Variants in ETF1 observed in about 807,000 individuals in gnomAD.
The protein encoded by ETF1 is eukaryotic translation termination factor 1, also known as eukaryotic peptide chain release factor subunit 1.
In ETF1, 4 loss-of-function variants were observed where a neutral mutation model predicts 55.1. The observed-to-expected ratio is 0.07, with a 90% confidence interval of 0.04 to 0.17. ETF1 has a LOEUF of 0.17. Among genes scored for constraint, ETF1 ranks in the 10% least tolerant of loss-of-function variants. ETF1 has a pLI of 1.00. For missense variants in ETF1, 142 were observed against 523.6 expected, an observed-to-expected ratio of 0.27 and a Z score of 7.11; for synonymous variants, 157 against 182.3, an observed-to-expected ratio of 0.86 and a Z score of 1.12.
At chr5:138,510,058 C>CA (rs1342197291) in intron 9 of ETF1, among the ~76,000 whole-genome samples, 1 of 142,356 alleles carries the variant, frequency 7.0e-6, no homozygotes, top group African/African-American at 2.6e-5. Flanking sequence ...GACCCTATCT[C>CA]AAAGAAAAAA....
intron 9 of ETF1, among the ~76,000 whole-genome samples, chr5:138,509,417 T>C (rs73259889): frequency 0.011 from 1,750 of 152,288 alleles, 32 homozygotes; most frequent in African/African-American, 0.04. Flanking sequence ...GATAATGAAA[T>C]GTTTTCCTGA....
chr5:138,522,269 AAT>A (rs1174273754), intron 2 of ETF1, among the ~76,000 whole-genome samples: 1 of 152,234 alleles, frequency 6.6e-6, no homozygotes, highest in Non-Finnish European at 1.5e-5. Context: ...TTATGTAAAG[AAT>A]ATAAAGAATA....
chr5:138,523,411 G>A (rs1238757217), intron 2 of ETF1, among the ~76,000 whole-genome samples: 3 of 152,144 alleles, frequency 2.0e-5, no homozygotes, highest in African/African-American at 4.8e-5. Flanking sequence ...GCATGTGCCT[G>A]TAGTCCCAGC....
chr5:138,518,265 C>T lies in ETF1; in HGVS notation c.262+427G>A, dbSNP rs115680076. Among the ~76,000 whole-genome samples the T allele has an allele frequency of 6.2e-3, 938 of 151,074 alleles. 9 individuals carry two copies. The highest frequency in any genetic ancestry group is 0.022 in the African/African-American group (904 of 41,106). The stretch of plus-strand genomic sequence containing the variant: ...TCACTCTGTCACTCAGGCTAGTGTG[C>T]AGCAGCGAGATCGTGGCTCACTGCA... On this transcript the variant is annotated intron_variant, in intron 3 of 10. Coordinates refer to ENST00000360541, the MANE Select transcript of ETF1 (RefSeq NM_004730.4).
At chr5:138,516,427 A>G (rs2127078788) in intron 4 of ETF1, among the ~76,000 whole-genome samples, 1 of 152,316 alleles carries the variant, frequency 6.6e-6, no homozygotes, top group East Asian at 1.9e-4. Flanking sequence ...ACTTGAGGCC[A>G]GGAGTTTGGG....
chr5:138,542,620 C>A, intron 2 of ETF1: 1 of 1,420,366 alleles, frequency 7.0e-7, no homozygotes, highest in East Asian at 2.6e-5. Context: ...AACCGGGGAG[C>A]GCGGGCCCCT....
In ETF1 at chr5:138,506,765, G is replaced by A. The variant is rs2127055474; in HGVS notation, c.*1540C>T. 6.5e-6 allele frequency: 1 copy of A among 152,746 alleles called. No homozygotes were observed. The highest frequency in any genetic ancestry group is 3.4e-3 in the Middle Eastern group (1 of 294). 9.5% of individuals were successfully genotyped at this position (152,746 alleles called of 1,614,324 possible). A position where few individuals can be genotyped will look rare whatever the true frequency, so the allele number is the denominator to read the frequency against. On this transcript the variant is annotated 3_prime_UTR_variant, in exon 11 of 11. Coordinates refer to ENST00000360541, the MANE Select transcript of ETF1 (RefSeq NM_004730.4). ...GTGAAACAGGATTATTGGAACGATA[G>A]GCAGGTCTGTAACCTGGGAACAAGG...
At chr5:138,516,387 C>CAA (rs1765019388) in intron 4 of ETF1, among the ~76,000 whole-genome samples, 1 of 151,908 alleles carries the variant, frequency 6.6e-6, no homozygotes, top group Non-Finnish European at 1.5e-5. Flanking sequence ...CACACACACA[C>CAA]ACACTTTGGG....
At chr5:138,529,007 G>A (rs1169335565) in intron 2 of ETF1, among the ~76,000 whole-genome samples, 2 of 152,100 alleles carry the variant, frequency 1.3e-5, no homozygotes, top group Admixed American at 6.5e-5. Context: ...CTAGCTGGGC[G>A]TGGTAGTGCA....
intron 2 of ETF1, chr5:138,529,762 A>G (rs187948283): frequency 2.1e-6 from 2 of 967,256 alleles, no homozygotes; most frequent in East Asian, 1.1e-4. Flanking sequence ...TAGAAAGATA[A>G]TTTTTTTAGA....
chr5:138,516,142 AG>A (rs993187882), intron 4 of ETF1, among the ~76,000 whole-genome samples: 2 of 152,192 alleles, frequency 1.3e-5, no homozygotes, highest in African/African-American at 2.4e-5. Flanking sequence ...TTCAGGGGAA[AG>A]GGGGGAAAAT....
chr5:138,510,715 A>C, intron 8 of ETF1, 86 bp from the exon 9 acceptor site: 1 of 1,549,376 alleles, frequency 6.5e-7, no homozygotes, highest in Non-Finnish European at 8.7e-7. Context: ...TAGATGAGAA[A>C]AGGGCTCAGG....
At chr5:138,524,507 C>T (rs1255079255) in intron 2 of ETF1, among the ~76,000 whole-genome samples, 2 of 150,188 alleles carry the variant, frequency 1.3e-5, no homozygotes, top group African/African-American at 4.9e-5. Context: ...GAGCCGTGAT[C>T]ACACCACTGC....
At chr5:138,518,659 GT>G (rs1765118696) in intron 3 of ETF1, 32 bp downstream of exon 3, 1 of 1,589,490 alleles carries the variant, frequency 6.3e-7, no homozygotes, top group African/African-American at 1.3e-5. Context: ...ACCAAAATGT[GT>G]AGAGAAGGAA....
At chr5:138,523,657 T>C (rs978668234) in intron 2 of ETF1, among the ~76,000 whole-genome samples, 1 of 152,190 alleles carries the variant, frequency 6.6e-6, no homozygotes, top group Non-Finnish European at 1.5e-5. Flanking sequence ...TGCAGAGTGA[T>C]TGTTAAAGGG....
intron 10 of ETF1, 115 bp downstream of exon 10, chr5:138,508,554 A>G: frequency 6.4e-7 from 1 of 1,557,052 alleles, no homozygotes; most frequent in Non-Finnish European, 8.7e-7. Flanking sequence ...TGCTGCGTCA[A>G]TCACCTATCC....
chr5:138,514,705 C>T (rs1303289065), intron 4 of ETF1, among the ~76,000 whole-genome samples: 1 of 152,028 alleles, frequency 6.6e-6, no homozygotes, highest in East Asian at 1.9e-4. Flanking sequence ...GCCGGGGTTA[C>T]AGGCATGAGC....
intron 2 of ETF1, chr5:138,541,646 C>G (rs746892310): frequency 9.2e-6 from 14 of 1,515,960 alleles, no homozygotes; most frequent in Non-Finnish European, 1.2e-5. Context: ...GGGCTGGAAA[C>G]CAGAATGTCA....
intron 2 of ETF1, among the ~76,000 whole-genome samples, chr5:138,521,323 G>GT (rs919796990): frequency 2.9e-4 from 44 of 152,280 alleles, no homozygotes; most frequent in Admixed American, 8.5e-4. Context: ...AGCAACTGGA[G>GT]TAAGGTGGAA....
Sources: gnomAD v4.1 joint callset for allele counts (sites outside exome capture counted in the v4.1 genomes callset) on GRCh38, gnomAD v4.1.1 for gene constraint, MANE v1.5 for transcripts, NCBI Gene and HGNC (gene_info 2026-07-23, HGNC 2026-07-21) for gene names.